KIF13A: variants seen among roughly 807,000 people sequenced by gnomAD.
The protein encoded by KIF13A is kinesin-like protein KIF13A.
A neutral mutation model predicts 212.2 loss-of-function variants in KIF13A; 79 were observed. That is an observed-to-expected ratio of 0.37 (90% CI 0.31 to 0.45). The LOEUF (loss-of-function observed/expected upper bound fraction) is 0.45. Ranked by LOEUF, KIF13A falls within the 20% of genes least tolerant of loss-of-function variation. KIF13A has a pLI of 1.00. For synonymous variants in KIF13A, 789 were observed against 808.6 expected (o/e 0.98, Z 0.41); for missense variants, 1,901 against 2,209.0 (o/e 0.86, Z 2.79).
In KIF13A at chr6:17,787,065, C is replaced by T. The variant is rs1007640296; in HGVS notation, c.3361+711G>A. On this transcript the variant is annotated intron_variant, in intron 27 of 38. Transcript: ENST00000259711. The surrounding 1 kb of genome is among the most constrained non-coding windows in gnomAD (Gnocchi z 4.6). ...GGGGCCACCCTGAACCAGCGGAGTG[C>T]ATGGCAATGGCCCAACAGTGGATAG... Among the ~76,000 whole-genome samples the T allele has an allele frequency of 5.3e-5, 8 of 152,222 alleles. No individual in the cohort carries two copies. Among genetic ancestry groups the T allele is most frequent in the African/African-American group, 1.7e-4 (7 of 41,452 alleles).
rs66600730 is a variant in KIF13A, at chr6:17,767,255, AT to A, written c.4582-2310del. On this transcript the variant is annotated intron_variant, in intron 38 of 38. Coordinates refer to ENST00000259711, the MANE Select transcript of KIF13A (RefSeq NM_022113.6). ...CTTGTCATGTTTAGACTCAAAATTA[AT>A]TTTTTTTTTTTTTTTGAGACGAAGT... Among the ~76,000 whole-genome samples the A allele has an allele frequency of 3.0e-3, 436 of 144,940 alleles. 1 individual carries two copies. Among genetic ancestry groups the A allele is most frequent in the East Asian group, 0.018 (91 of 4,946 alleles).
chr6:17,951,369 G>C lies in KIF13A; in HGVS notation c.146+35685C>G. On this transcript the variant is annotated intron_variant, in intron 2 of 38. Coordinates refer to ENST00000259711, the MANE Select transcript of KIF13A (RefSeq NM_022113.6). The surrounding 1 kb of genome is among the most constrained non-coding windows in gnomAD (Gnocchi z 4.9). ...TGGTCTTGAAATCCTCGGCTCAAGTGATCCTCTTGCCTTGGCCTCCCAAAG... is the reference window on the plus strand; with the variant it reads ...TGGTCTTGAAATCCTCGGCTCAAGTCATCCTCTTGCCTTGGCCTCCCAAAG... 2 of 639,206 alleles carry C rather than the reference G, an allele frequency of 3.1e-6. No homozygotes were observed. The highest frequency in any genetic ancestry group is 5.7e-6 in the Non-Finnish European group (2 of 351,798). The allele number at this position is 639,206 out of a possible 1,614,324, so 39.6% of individuals were successfully genotyped here.
At chr6:17,868,587 G>A (rs1321339722) in intron 4 of KIF13A, among the ~76,000 whole-genome samples, 2 of 146,938 alleles carry the variant, frequency 1.4e-5, no homozygotes, top group East Asian at 4.0e-4. Context: ...CAGGGTTTTT[G>A]CTTCAAAATT....
intron 2 of KIF13A, among the ~76,000 whole-genome samples, chr6:17,909,994 C>T (rs9396815): frequency 0.75 from 113,637 of 152,124 alleles, 42,826 homozygotes; most frequent in South Asian, 0.84. Flanking sequence ...TTAATTTCTT[C>T]AGAAAAGAGC....
At chr6:17,975,345 C>G (rs141845869) in intron 2 of KIF13A, among the ~76,000 whole-genome samples, 1 of 152,128 alleles carries the variant, frequency 6.6e-6, no homozygotes, top group Non-Finnish European at 1.5e-5. Context: ...TCACTAACTT[C>G]AAGAATGAAG....
chr6:17,865,313 TAGAG>T (rs1053991445), intron 4 of KIF13A, among the ~76,000 whole-genome samples: 1 of 125,356 alleles, frequency 8.0e-6, no homozygotes, highest in Middle Eastern at 3.5e-3. Context: ...GGAATCAGAG[TAGAG>T]AGAGAGAGGA....
intron 29 of KIF13A, among the ~76,000 whole-genome samples, chr6:17,782,663 A>T (rs1050974950): frequency 6.6e-6 from 1 of 150,478 alleles, no homozygotes; most frequent in African/African-American, 2.5e-5. Context: ...ACAAAACAAA[A>T]CAAATCTTAG....
chr6:17,760,356 A>G (rs1038332096), downstream of KIF13A: 4 of 152,672 alleles, frequency 2.6e-5, no homozygotes, highest in East Asian at 7.7e-4. Context: ...GTACCTTATG[A>G]TTTTCTACAA....
chr6:17,873,380 C>A lies in KIF13A; in HGVS notation c.217G>T (p.Ala73Ser), dbSNP rs1286368039. The A allele has an allele frequency of 1.3e-6, 2 of 1,593,926 alleles. No homozygotes were observed. Among genetic ancestry groups the A allele is most frequent in the Non-Finnish European group, 1.7e-6 (2 of 1,168,878 alleles). Residue 73 changes from alanine to serine, a missense_variant, in exon 4 of 39, where the codon GCT (alanine) becomes TCT (serine). Physicochemically the swap from Ala to Ser is moderately conservative, Grantham distance 99. Transcript: ENST00000259711. ...SMDESNTTKYAGQEVVFKCLG... is the reference protein window; with the variant it reads ...SMDESNTTKYSGQEVVFKCLG... The stretch of plus-strand genomic sequence containing the variant: ...GGTGTAGAGGGAGAAAACTTACCAG[C>A]GTATTTTGTAGTGTTAGATTCATCC...
At chr6:17,986,433 A>T (rs1002632631) in intron 2 of KIF13A, among the ~76,000 whole-genome samples, 18 of 152,206 alleles carry the variant, frequency 1.2e-4, no homozygotes, top group Admixed American at 2.0e-4. Flanking sequence ...AACATCCCTC[A>T]GTGTCTATAC....
intron 2 of KIF13A, among the ~76,000 whole-genome samples, chr6:17,942,526 G>GATACATTTCATAACAGAA (rs1777041167): frequency 6.6e-6 from 1 of 152,046 alleles, no homozygotes; most frequent in Admixed American, 6.6e-5. Flanking sequence ...TATTAAATGA[G>GATACATTTCATAACAGAA]ATACATTTCA....
intron 2 of KIF13A, chr6:17,950,788 T>C: frequency 1.0e-6 from 1 of 979,056 alleles, no homozygotes; most frequent in Non-Finnish European, 1.2e-6. Flanking sequence ...AATCTCTAAT[T>C]ACTAAAGGAC....
chr6:17,938,837 T>C (rs1336359142), intron 2 of KIF13A, among the ~76,000 whole-genome samples: 1 of 151,592 alleles, frequency 6.6e-6, no homozygotes, highest in Non-Finnish European at 1.5e-5. Flanking sequence ...TTTTTTTTTT[T>C]TACCCAGCAA....
In KIF13A at chr6:17,871,239, T is replaced by C. The variant is rs1164872814; in HGVS notation, c.220+2138A>G. On this transcript the variant is annotated intron_variant, in intron 4 of 38. Transcript: ENST00000259711. The surrounding 1 kb of genome is among the most constrained non-coding windows in gnomAD (Gnocchi z 4.4). The stretch of plus-strand genomic sequence containing the variant: ...GCTGAATCAGGCGATTTAATGTATG[T>C]GTTGTCTCAAATACTTATCTCCTCT... Among the ~76,000 whole-genome samples, 1 of 152,182 alleles carries C rather than the reference T, an allele frequency of 6.6e-6. No homozygotes were observed. Among genetic ancestry groups the C allele is most frequent in the Non-Finnish European group, 1.5e-5 (1 of 68,026 alleles).
chr6:17,881,576 A>T (rs1481398220), intron 3 of KIF13A: 2 of 384,300 alleles, frequency 5.2e-6, no homozygotes, highest in South Asian at 3.8e-5. Flanking sequence ...GCACGCCTGT[A>T]ATCCCAGCTA....
chr6:17,951,398 T>C lies in KIF13A; in HGVS notation c.146+35656A>G. On this transcript the variant is annotated intron_variant, in intron 2 of 38. Coordinates refer to ENST00000259711, the MANE Select transcript of KIF13A (RefSeq NM_022113.6). The surrounding 1 kb of genome is among the most constrained non-coding windows in gnomAD (Gnocchi z 4.9). ...CTCTTGCCTTGGCCTCCCAAAGTGC[T>C]GGAATTAGAGATGTGAGCCACTGTG... 1.6e-6 allele frequency: 1 copy of C among 619,542 alleles called. No homozygotes were observed. Among genetic ancestry groups the C allele is most frequent in the Non-Finnish European group, 2.9e-6 (1 of 343,790 alleles). The allele number at this position is 619,542 out of a possible 1,614,324, so 38.4% of individuals were successfully genotyped here.
chr6:17,984,591 T>TG lies in KIF13A; in HGVS notation c.146+2462_146+2463insC. ...ATGAAAGCTGACCCCATCTGTTTTT[T>TG]TTTTTTTTCCCTGGACGTCAATGCA... On this transcript the variant is annotated intron_variant, in intron 2 of 38. Coordinates refer to ENST00000259711, the MANE Select transcript of KIF13A (RefSeq NM_022113.6). This position sits in a 1 kb window ranked among gnomAD's most constrained non-coding sequence, Gnocchi z 5.0. 2.0e-6 allele frequency: 2 copies of TG among 983,006 alleles called. No homozygotes were observed. The highest frequency in any genetic ancestry group is 2.4e-6 in the Non-Finnish European group (2 of 827,786). The allele number at this position is 983,006 out of a possible 1,614,324, so 60.9% of individuals were successfully genotyped here.
intron 2 of KIF13A, among the ~76,000 whole-genome samples, chr6:17,975,895 T>C (rs529038581): frequency 5.9e-5 from 9 of 151,996 alleles, no homozygotes; most frequent in South Asian, 2.1e-4. Flanking sequence ...AGAGTGCCGA[T>C]TGGTGTATTT....
chr6:17,775,466 C>T (rs532138146), intron 34 of KIF13A, among the ~76,000 whole-genome samples: 1 of 152,126 alleles, frequency 6.6e-6, no homozygotes, highest in East Asian at 1.9e-4. Flanking sequence ...CTGGGTTGTA[C>T]AGGAGTATAT....
Sources: gnomAD v4.1 joint callset for allele counts (sites outside exome capture counted in the v4.1 genomes callset) on GRCh38, gnomAD v4.1.1 for gene constraint, Gnocchi (gnomAD v3.1) non-coding constraint, MANE v1.5 for transcripts, NCBI Gene and HGNC (gene_info 2026-07-23, HGNC 2026-07-21) for gene names.